Variants in NFATC1 observed in about 807,000 individuals in gnomAD.
The protein encoded by NFATC1 is nuclear factor of activated T-cells, cytoplasmic 1.
NFATC1 carries 22 observed loss-of-function variants against 76.0 expected under a neutral mutation model. That is an observed-to-expected ratio of 0.29 (90% CI 0.21 to 0.41). The LOEUF (loss-of-function observed/expected upper bound fraction) is 0.41. NFATC1 is among the 10% of genes least tolerant of loss of function. The probability of loss-of-function intolerance (pLI) is 1.00; values close to 1 mark genes in which losing one functional copy is unlikely to be tolerated. For missense variants in NFATC1, 1,357 were observed against 1,337.7 expected, an observed-to-expected ratio of 1.01 and a Z score of -0.23; for synonymous variants, 704 against 613.1, an observed-to-expected ratio of 1.15 and a Z score of -2.19.
At chr18:79,481,784 G>A (rs1347145750) in intron 8 of NFATC1, among the ~76,000 whole-genome samples, 1 of 141,974 alleles carries the variant, frequency 7.0e-6, no homozygotes, top group Non-Finnish European at 1.5e-5. Flanking sequence ...GCGTGACCTG[G>A]TCCTGGGGTG....
chr18:79,441,879 TA>T (rs2086989294), intron 3 of NFATC1, among the ~76,000 whole-genome samples: 2 of 152,066 alleles, frequency 1.3e-5, no homozygotes, highest in Non-Finnish European at 2.9e-5. Context: ...ATTAATTGAT[TA>T]GATTTAATTA....
intron 9 of NFATC1, among the ~76,000 whole-genome samples, chr18:79,494,668 G>T (rs1207941628): frequency 1.8e-4 from 16 of 90,850 alleles, no homozygotes; most frequent in African/African-American, 7.3e-4. Flanking sequence ...GGTACCGCCG[G>T]GGGAAGGCGA....
At chr18:79,429,682 G>A (rs1050616069) in intron 2 of NFATC1, among the ~76,000 whole-genome samples, 4 of 152,178 alleles carry the variant, frequency 2.6e-5, no homozygotes, top group African/African-American at 9.7e-5. Flanking sequence ...CTGAACCAGA[G>A]ACACAGATTT....
Position 79,433,647 on chromosome 18 carries a change from T to C in NFATC1, c.1295T>C (p.Val432Ala). 1.9e-6 allele frequency: 3 copies of C among 1,612,886 alleles called. No individual in the cohort carries two copies. Among genetic ancestry groups the C allele is most frequent in the Non-Finnish European group, 2.5e-6 (3 of 1,179,912 alleles). ...HSGPYELRIE[V>A]QPKSHHRAHY... ...GGCCCGTATGAGCTTCGGATTGAGG[T>C]GCAGCCCAAGTCCCACCACCGAGCC... Residue 432 changes from valine (V) to alanine (A), a missense_variant, in exon 3 of 10, where the codon GTG (valine) becomes GCG (alanine). Around this residue, in one of 3 missense-constraint regions of NFATC1, gnomAD observed 691 missense variants for 613.1 expected, o/e 1.13. Transcript: ENST00000427363.
intron 9 of NFATC1, among the ~76,000 whole-genome samples, chr18:79,513,162 G>A (rs1459092377): frequency 1.3e-5 from 2 of 152,250 alleles, no homozygotes; most frequent in Admixed American, 1.3e-4. Flanking sequence ...ACCAGGCTGT[G>A]TCAACTCCCG....
intron 2 of NFATC1, among the ~76,000 whole-genome samples, 170 bp downstream of exon 2, chr18:79,411,671 C>T (rs1011502661): frequency 1.3e-5 from 2 of 152,174 alleles, no homozygotes; most frequent in African/African-American, 4.8e-5. Context: ...AGTCTGTCCC[C>T]ATGTCTGCCT....
intron 6 of NFATC1, 166 bp downstream of exon 6, chr18:79,451,982 G>A: frequency 5.1e-6 from 4 of 782,710 alleles, no homozygotes; most frequent in Non-Finnish European, 5.5e-6. Context: ...ATCCGGCTGT[G>A]GGTTTTTGTG....
intron 8 of NFATC1, among the ~76,000 whole-genome samples, chr18:79,477,604 C>T (rs372677060): frequency 6.8e-5 from 10 of 146,480 alleles, no homozygotes; most frequent in African/African-American, 1.6e-4. Context: ...TCTCAGTCTT[C>T]GGGGCTTCCA....
chr18:79,497,030 G>A (rs1394610778), intron 9 of NFATC1: 1 of 152,250 alleles, frequency 6.6e-6, no homozygotes, highest in African/African-American at 2.4e-5. Flanking sequence ...CTAGAGAGAT[G>A]TGATGAGCAA....
chr18:79,436,833 G>C lies in NFATC1; in HGVS notation c.1386+3095G>C, dbSNP rs535472062. On this transcript the variant is annotated intron_variant, in intron 3 of 9. Coordinates refer to ENST00000427363, the MANE Select transcript of NFATC1 (RefSeq NM_001278669.2). ...GGGCCTTTCCTTCAGAGGGAAGGAG[G>C]CCAGCCCCCTCCAGTGAGCACTGAG... is the stretch of plus-strand genomic sequence containing the variant. Among the ~76,000 whole-genome samples the C allele has an allele frequency of 7.9e-5, 12 of 152,174 alleles. No individual in the cohort carries two copies. The South Asian group carries it at 2.1e-3, about 26-fold the overall frequency.
In NFATC1 at chr18:79,410,606, G is replaced by A; in HGVS notation, c.331G>A (p.Gly111Arg). Residue 111 changes from glycine (G) to arginine (R), a missense_variant, in exon 2 of 10, where the codon GGG becomes AGG. Gly to Arg is a moderately radical substitution (Grantham distance 125). Around this residue, in one of 3 missense-constraint regions of NFATC1, gnomAD observed 691 missense variants for 613.1 expected, o/e 1.13. Coordinates refer to ENST00000427363, the MANE Select transcript of NFATC1 (RefSeq NM_001278669.2). The surrounding 1 kb of genome is among the most constrained non-coding windows in gnomAD (Gnocchi z 6.7). ...CTCCTCCGGCCACACCAGGCCTGAT[G>A]GGGCCCCTGCCCTGGAGAGTCCTCG... ...FLSSGHTRPD[G>R]APALESPRIE... 6.2e-7 allele frequency: 1 copy of A among 1,612,816 alleles called. No homozygotes were observed. Among genetic ancestry groups the A allele is most frequent in the Non-Finnish European group, 8.5e-7 (1 of 1,180,000 alleles).
intron 6 of NFATC1, chr18:79,452,243 G>T (rs1371356968): frequency 6.4e-6 from 1 of 156,436 alleles, no homozygotes; most frequent in Non-Finnish European, 1.4e-5. Context: ...CATTCCTGGG[G>T]TCGGAGGCAG....
chr18:79,518,363 G>A (rs921557000), intron 9 of NFATC1, among the ~76,000 whole-genome samples: 2 of 152,202 alleles, frequency 1.3e-5, no homozygotes, highest in Admixed American at 6.5e-5. Flanking sequence ...AGGGGCACAC[G>A]CCCACAGTAG....
intron 8 of NFATC1, among the ~76,000 whole-genome samples, chr18:79,472,873 C>T (rs1170011218): frequency 1.3e-5 from 2 of 152,224 alleles, no homozygotes; most frequent in Non-Finnish European, 2.9e-5. Context: ...GCTGTGGGCA[C>T]CTTGACGCAC....
At position 79,528,613 on chromosome 18, in the gene NFATC1, A is replaced by G. The variant is rs983329786; in HGVS notation, c.*1036A>G. On this transcript the variant is annotated 3_prime_UTR_variant, in exon 10 of 10. Transcript: ENST00000427363. ...ATTGACAGTAGCTGTAGGTTACCAGACGGCAACATTAGAAAGTGATTGTAA... is the reference window on the plus strand; with the variant it reads ...ATTGACAGTAGCTGTAGGTTACCAGGCGGCAACATTAGAAAGTGATTGTAA... 6.6e-6 allele frequency: 1 copy of G among 152,240 alleles called. No homozygotes were observed. Among genetic ancestry groups the G allele is most frequent in the Non-Finnish European group, 1.5e-5 (1 of 68,038 alleles). The allele number at this position is 152,240 out of a possible 1,614,324, so 9.4% of individuals were successfully genotyped here. A position where few individuals can be genotyped will look rare whatever the true frequency, so the allele number is the denominator to read the frequency against.
chr18:79,526,803 C>T (rs1468441576), intron 9 of NFATC1, among the ~76,000 whole-genome samples: 1 of 152,212 alleles, frequency 6.6e-6, no homozygotes, highest in East Asian at 1.9e-4. Flanking sequence ...GGGGCCTTTG[C>T]AGAAACACGT....
Position 79,465,948 on chromosome 18 carries a change from C to T in NFATC1, c.1960-1502C>T, listed in dbSNP as rs1028565835. 2.6e-5 allele frequency among the ~76,000 whole-genome samples: 4 copies of T among 152,232 alleles called. No individual in the cohort carries two copies. Among genetic ancestry groups the T allele is most frequent in the African/African-American group, 9.6e-5 (4 of 41,458 alleles). ...CAGCTTCAGCTCCCCTGGGGCAGCT[C>T]TGATGCGGGGCAAAGGCAGGAAGAC... On this transcript the variant is annotated intron_variant, in intron 7 of 9. Coordinates refer to ENST00000427363, the MANE Select transcript of NFATC1 (RefSeq NM_001278669.2). This position sits in a 1 kb window ranked among gnomAD's most constrained non-coding sequence, Gnocchi z 4.2.
At chr18:79,418,972 T>C (rs891998593) in intron 2 of NFATC1, among the ~76,000 whole-genome samples, 6 of 152,140 alleles carry the variant, frequency 3.9e-5, no homozygotes, top group Admixed American at 3.3e-4. Flanking sequence ...TTGTTAGCCA[T>C]GAGGAGGAGA....
chr18:79,404,083 G>A (rs1346836130), intron 1 of NFATC1, among the ~76,000 whole-genome samples: 1 of 152,206 alleles, frequency 6.6e-6, no homozygotes, highest in African/African-American at 2.4e-5. Flanking sequence ...ATCTCAGCTA[G>A]CCATGAACAA....
Sources: gnomAD v4.1 joint callset for allele counts (sites outside exome capture counted in the v4.1 genomes callset) on GRCh38, gnomAD v4.1.1 for gene constraint, gnomAD v4.1.1 regional missense constraint, Gnocchi (gnomAD v3.1) non-coding constraint, MANE v1.5 for transcripts, NCBI Gene and HGNC (gene_info 2026-07-23, HGNC 2026-07-21) for gene names.